Variants in XPR1 observed in about 807,000 individuals in gnomAD.
XPR1 encodes the protein xenotropic and polytropic retrovirus receptor 1, also known as solute carrier family 53 member 1.
XPR1 carries 28 observed loss-of-function variants against 87.5 expected under a neutral mutation model. The observed-to-expected ratio is 0.32, with a 90% confidence interval of 0.24 to 0.44. XPR1 has a LOEUF of 0.44. Among genes scored for constraint, XPR1 ranks in the 20% least tolerant of loss-of-function variants. The probability of loss-of-function intolerance (pLI) is 1.00; values close to 1 mark genes in which losing one functional copy is unlikely to be tolerated. For missense variants in XPR1, 559 were observed against 862.3 expected, an observed-to-expected ratio of 0.65 and a Z score of 4.41; for synonymous variants, 300 against 306.1, an observed-to-expected ratio of 0.98 and a Z score of 0.21.
intron 7 of XPR1, among the ~76,000 whole-genome samples, chr1:180,821,436 T>C (rs1487999657): frequency 6.6e-6 from 1 of 152,224 alleles, no homozygotes; most frequent in Non-Finnish European, 1.5e-5. Context: ...AGTGCCACAA[T>C]GTTTTGATTA....
chr1:180,789,192 A>G (rs1649288324), intron 3 of XPR1, among the ~76,000 whole-genome samples: 1 of 152,132 alleles, frequency 6.6e-6, no homozygotes, highest in Non-Finnish European at 1.5e-5. Flanking sequence ...GTATTGTTCT[A>G]TTTCTGCCAC....
intron 11 of XPR1, among the ~76,000 whole-genome samples, chr1:180,860,783 A>G (rs1254182675): frequency 6.6e-6 from 1 of 151,848 alleles, no homozygotes; most frequent in African/African-American, 2.4e-5. Context: ...TGCGTTTGTC[A>G]AAATGAGCAG....
chr1:180,684,938 C>T (rs1199083492), intron 2 of XPR1, among the ~76,000 whole-genome samples: 1 of 152,134 alleles, frequency 6.6e-6, no homozygotes, highest in Non-Finnish European at 1.5e-5. Flanking sequence ...CAAACAGGGA[C>T]AATTTGACTT....
At chr1:180,725,196 C>G (rs1316028990) in intron 2 of XPR1, among the ~76,000 whole-genome samples, 1 of 152,108 alleles carries the variant, frequency 6.6e-6, no homozygotes, top group East Asian at 1.9e-4. Context: ...TAACCATACC[C>G]AAGATTTATT....
At chr1:180,650,569 C>CTCTTTTTGTCATTTCCAAAGG (rs1307346699) in intron 1 of XPR1, among the ~76,000 whole-genome samples, 1 of 152,172 alleles carries the variant, frequency 6.6e-6, no homozygotes, top group Non-Finnish European at 1.5e-5. Context: ...TCACCATGAG[C>CTCTTTTTGTCATTTCCAAAGG]TCTTTTTGTC....
chr1:180,778,247 G>T (rs1648800019), intron 2 of XPR1, among the ~76,000 whole-genome samples: 2 of 152,066 alleles, frequency 1.3e-5, no homozygotes, highest in Non-Finnish European at 2.9e-5. Context: ...GCCTCCCAAA[G>T]CACTGGGATT....
At chr1:180,722,424 A>T (rs1232808147) in intron 2 of XPR1, among the ~76,000 whole-genome samples, 1 of 152,048 alleles carries the variant, frequency 6.6e-6, no homozygotes, top group Non-Finnish European at 1.5e-5. Context: ...TAACATACAC[A>T]CTCAGTTATA....
intron 1 of XPR1, among the ~76,000 whole-genome samples, chr1:180,668,090 T>C (rs1656023043): frequency 6.6e-6 from 1 of 151,544 alleles, no homozygotes; most frequent in African/African-American, 2.4e-5. Context: ...ATTTTTTTTA[T>C]TTATCTTTGC....
chr1:180,698,148 C>A lies in XPR1; in HGVS notation c.121+15737C>A, dbSNP rs529799603. ...GGTACATACATGTTTAGAATTGTTA[C>A]ATCTTCTTGCTGAATTGATTTTTTT... On this transcript the variant is annotated intron_variant, in intron 2 of 14. Coordinates refer to ENST00000367590, the MANE Select transcript of XPR1 (RefSeq NM_004736.4). Among the ~76,000 whole-genome samples the A allele has an allele frequency of 6.6e-4, 100 of 152,218 alleles. 1 individual carries two copies. Among genetic ancestry groups the A allele is most frequent in the Non-Finnish European group, 4.0e-4 (27 of 67,968 alleles).
At chr1:180,679,205 A>C (rs58167853) in intron 1 of XPR1, among the ~76,000 whole-genome samples, 3,913 of 151,142 alleles carry the variant, frequency 0.026, 168 homozygotes, top group African/African-American at 0.088. Flanking sequence ...AAAAAACAAA[A>C]AAACAAACAA....
chr1:180,752,826 T>G (rs1647585068), intron 2 of XPR1, among the ~76,000 whole-genome samples: 1 of 152,222 alleles, frequency 6.6e-6, no homozygotes, highest in African/African-American at 2.4e-5. Context: ...TGGCCTATAC[T>G]CTTTGAAAGT....
intron 2 of XPR1, among the ~76,000 whole-genome samples, chr1:180,710,899 C>A (rs993803511): frequency 1.3e-5 from 2 of 151,416 alleles, no homozygotes; most frequent in African/African-American, 4.9e-5. Flanking sequence ...CCAGACGGGG[C>A]GGCTGCCGGG....
intron 14 of XPR1, 133 bp downstream of exon 14, chr1:180,880,430 A>C: frequency 2.1e-6 from 2 of 939,036 alleles, no homozygotes; most frequent in South Asian, 1.6e-5. Flanking sequence ...CTACAAAAAA[A>C]CAGTAATAAG....
intron 2 of XPR1, among the ~76,000 whole-genome samples, chr1:180,734,390 A>G (rs1275988423): frequency 1.3e-5 from 2 of 152,194 alleles, no homozygotes; most frequent in African/African-American, 4.8e-5. Context: ...GAAAACAGGA[A>G]TTAGTGAGGG....
chr1:180,788,448 G>A (rs185244944), intron 3 of XPR1, among the ~76,000 whole-genome samples: 12 of 152,170 alleles, frequency 7.9e-5, no homozygotes, highest in East Asian at 1.9e-4. Context: ...GAGCACTACC[G>A]TAGACATCAG....
At chr1:180,756,394 G>A (rs1364211030) in intron 2 of XPR1, among the ~76,000 whole-genome samples, 1 of 152,186 alleles carries the variant, frequency 6.6e-6, no homozygotes, top group Non-Finnish European at 1.5e-5. Context: ...GGGTAATGCT[G>A]TTGAGCATAT....
chr1:180,880,338 A>C (rs1267732431), intron 14 of XPR1, 41 bp downstream of exon 14: 58 of 1,609,402 alleles, frequency 3.6e-5, no homozygotes, highest in Non-Finnish European at 4.9e-5. Context: ...ATTTCCTTTG[A>C]GTTTTAGCAT....
In XPR1 at chr1:180,850,624, A is replaced by T. The variant is rs181550302; in HGVS notation, c.1502-13084A>T. Among the ~76,000 whole-genome samples the T allele has an allele frequency of 5.9e-3, 900 of 152,242 alleles. 11 individuals carry two copies. The highest frequency in any genetic ancestry group is 0.021 in the African/African-American group (859 of 41,536). On this transcript the variant is annotated intron_variant, in intron 11 of 14. Coordinates refer to ENST00000367590, the MANE Select transcript of XPR1 (RefSeq NM_004736.4). The stretch of plus-strand genomic sequence containing the variant: ...TCTGCCCATATGTATGTACTACCTG[A>T]AGCTTTCATAAAATGAGCACTTGAG...
rs559107814 is a variant in XPR1, at chr1:180,715,654, G to A, written c.121+33243G>A. On this transcript the variant is annotated intron_variant, in intron 2 of 14. Coordinates refer to ENST00000367590, the MANE Select transcript of XPR1 (RefSeq NM_004736.4). The stretch of plus-strand genomic sequence containing the variant: ...ATGATCAACAATCAAGAGTTACAGA[G>A]AAGTTGTTTTTTTTTTCTTTATCTT... 2.6e-5 allele frequency among the ~76,000 whole-genome samples: 4 copies of A among 152,054 alleles called. No individual in the cohort carries two copies. The South Asian group carries it at 8.3e-4, about 32-fold the overall frequency.
Sources: allele counts gnomAD v4.1 joint callset (sites outside exome capture counted in the v4.1 genomes callset), GRCh38; gene constraint gnomAD v4.1.1; transcripts MANE v1.5; gene names NCBI Gene and HGNC (gene_info 2026-07-23, HGNC 2026-07-21).